The following VPS13B variants were observed in gnomAD, a reference collection of about 807,000 sequenced individuals.
VPS13B encodes vacuolar protein sorting 13 homolog B.
Under a neutral mutation model 426.4 loss-of-function variants are expected in VPS13B, and 285 were observed. The ratio of observed to expected loss-of-function variants is 0.67; its 90% CI spans 0.61 to 0.74. VPS13B has a LOEUF of 0.74. Among genes scored for constraint, VPS13B ranks in the 30% least tolerant of loss-of-function variants. The probability of loss-of-function intolerance (pLI) is 0.00; values close to 1 mark genes in which losing one functional copy is unlikely to be tolerated. For synonymous variants in VPS13B, 1,676 were observed against 1,676.4 expected, an observed-to-expected ratio of 1.00 and a Z score of 0.01; for missense variants, 4,537 against 4,782.6, an observed-to-expected ratio of 0.95 and a Z score of 1.51.
chr8:99,709,156 G>A (rs182494722), intron 36 of VPS13B, among the ~76,000 whole-genome samples: 11 of 152,246 alleles, frequency 7.2e-5, no homozygotes, highest in African/African-American at 2.2e-4. Context: ...GCTTCCGGAT[G>A]TATCTAACAC....
intron 21 of VPS13B, among the ~76,000 whole-genome samples, chr8:99,419,441 T>G (rs1816255369): frequency 6.9e-6 from 1 of 145,476 alleles, no homozygotes; most frequent in Non-Finnish European, 1.5e-5. Flanking sequence ...TTTTTCATAG[T>G]CATCTTCTCT....
chr8:99,653,814 C>G (rs1183845843), intron 34 of VPS13B, among the ~76,000 whole-genome samples: 1 of 152,054 alleles, frequency 6.6e-6, no homozygotes, highest in East Asian at 1.9e-4. Flanking sequence ...GGACTGCAGA[C>G]CTGGGGTTTC....
intron 25 of VPS13B, among the ~76,000 whole-genome samples, chr8:99,499,500 T>C (rs897261513): frequency 6.6e-6 from 1 of 152,186 alleles, no homozygotes; most frequent in Non-Finnish European, 1.5e-5. Flanking sequence ...AATTTAAGCA[T>C]ACTTCTACTC....
intron 20 of VPS13B, among the ~76,000 whole-genome samples, chr8:99,386,489 A>G (rs1814131612): frequency 6.6e-6 from 1 of 152,178 alleles, no homozygotes; most frequent in Admixed American, 6.5e-5. Context: ...ACAAACCTGT[A>G]CAGAGTATTA....
At chr8:99,623,254 G>C (rs1263082256) in intron 33 of VPS13B, among the ~76,000 whole-genome samples, 1 of 152,124 alleles carries the variant, frequency 6.6e-6, no homozygotes, top group Non-Finnish European at 1.5e-5. Flanking sequence ...CCAGCAGCTT[G>C]AGTCTTTACT....
At chr8:99,046,428 A>G (rs946662380) in intron 3 of VPS13B, among the ~76,000 whole-genome samples, 7 of 151,494 alleles carry the variant, frequency 4.6e-5, no homozygotes, top group African/African-American at 1.7e-4. Context: ...TTTTTTTATC[A>G]GTTCTAGGAG....
chr8:99,047,403 T>C (rs980819416), intron 3 of VPS13B, among the ~76,000 whole-genome samples: 1 of 152,224 alleles, frequency 6.6e-6, no homozygotes, highest in African/African-American at 2.4e-5. Flanking sequence ...ATTGAGCTTA[T>C]TTGGATTTTC....
intron 3 of VPS13B, among the ~76,000 whole-genome samples, chr8:99,093,417 T>G (rs965055231): frequency 6.6e-6 from 1 of 151,980 alleles, no homozygotes; most frequent in African/African-American, 2.4e-5. Flanking sequence ...TTAGGGTACA[T>G]GTGCACAATG....
At chr8:99,257,660 C>T (rs915411414) in intron 17 of VPS13B, among the ~76,000 whole-genome samples, 3 of 152,074 alleles carry the variant, frequency 2.0e-5, no homozygotes, top group African/African-American at 7.2e-5. Flanking sequence ...CTTCTTTAGC[C>T]ATGCTTCAAA....
chr8:99,058,992 AT>A (rs1347580282), intron 3 of VPS13B, among the ~76,000 whole-genome samples: 3 of 152,200 alleles, frequency 2.0e-5, no homozygotes, highest in Non-Finnish European at 4.4e-5. Flanking sequence ...CACATAGAAA[AT>A]TACCATTTTA....
At position 99,014,110 on chromosome 8, in the gene VPS13B, C is replaced by CTTTTTTTTTTTTTTTT. The variant is rs1211028912; in HGVS notation, c.147+185_147+200dup. ...TACACTATTTTCTTTTTCTTTCTTT[C>CTTTTTTTTTTTTTTTT]TTTTTTTTTTTTTTTTTTTTTTTTT... is the stretch of plus-strand genomic sequence containing the variant. On this transcript the variant is annotated intron_variant, in intron 2 of 61. Transcript: ENST00000357162. 5.4e-4 allele frequency among the ~76,000 whole-genome samples: 39 copies of CTTTTTTTTTTTTTTTT among 72,312 alleles called. 2 individuals are homozygous for CTTTTTTTTTTTTTTTT. The highest frequency in any genetic ancestry group is 7.0e-4 in the Admixed American group (4 of 5,724). The allele number at this position is 72,312 out of a possible 152,430, so 47.4% of individuals were successfully genotyped here.
At chr8:99,698,610 T>C (rs1832132717) in intron 35 of VPS13B, among the ~76,000 whole-genome samples, 1 of 152,220 alleles carries the variant, frequency 6.6e-6, no homozygotes, top group South Asian at 2.1e-4. Context: ...GATTATGTCT[T>C]CTGTTACATC....
intron 30 of VPS13B, among the ~76,000 whole-genome samples, chr8:99,526,975 C>A (rs1203303961): frequency 6.6e-6 from 1 of 152,116 alleles, no homozygotes; most frequent in Non-Finnish European, 1.5e-5. Context: ...AGAGGCTACA[C>A]CCTTTGTAGG....
At chr8:99,416,807 C>T (rs2133371487) in intron 21 of VPS13B, among the ~76,000 whole-genome samples, 1 of 152,306 alleles carries the variant, frequency 6.6e-6, no homozygotes, top group Admixed American at 6.5e-5. Context: ...ATGCAGAAGT[C>T]ACCCACCTTC....
chr8:99,620,859 C>T (rs1828315697), intron 33 of VPS13B, among the ~76,000 whole-genome samples: 1 of 151,358 alleles, frequency 6.6e-6, no homozygotes, highest in South Asian at 2.1e-4. Context: ...TGGTGGTATG[C>T]ACCTGTAATC....
At chr8:99,038,924 A>AT (rs1318790941) in intron 3 of VPS13B, among the ~76,000 whole-genome samples, 7 of 151,988 alleles carry the variant, frequency 4.6e-5, no homozygotes, top group Admixed American at 2.6e-4. Flanking sequence ...TGACCTCGTG[A>AT]TCTGCCCACC....
intron 39 of VPS13B, among the ~76,000 whole-genome samples, chr8:99,755,478 A>G (rs1179406496): frequency 6.6e-6 from 1 of 152,142 alleles, no homozygotes; most frequent in Admixed American, 6.5e-5. Flanking sequence ...AGGATAATAA[A>G]CCCTGAGGAG....
At chr8:99,278,259 G>A (rs985058666) in intron 19 of VPS13B, among the ~76,000 whole-genome samples, 7 of 152,104 alleles carry the variant, frequency 4.6e-5, no homozygotes, top group East Asian at 1.9e-4. Flanking sequence ...CAGATGTTAC[G>A]TAAAAGTCAA....
intron 19 of VPS13B, among the ~76,000 whole-genome samples, chr8:99,337,803 G>A (rs1811007136): frequency 6.6e-6 from 1 of 151,884 alleles, no homozygotes; most frequent in African/African-American, 2.4e-5. Flanking sequence ...TGAAATCCAG[G>A]ATATCCTTCT....
Sources: gnomAD v4.1 joint callset for allele counts (sites outside exome capture counted in the v4.1 genomes callset) on GRCh38, gnomAD v4.1.1 for gene constraint, MANE v1.5 for transcripts, NCBI Gene and HGNC (gene_info 2026-07-23, HGNC 2026-07-21) for gene names.